Variants in RANBP2 observed in about 807,000 individuals in gnomAD.
The protein encoded by RANBP2 is E3 SUMO-protein ligase RanBP2.
Under a neutral mutation model 303.6 loss-of-function variants are expected in RANBP2, and 57 were observed. The observed-to-expected ratio is 0.19, with a 90% CI of 0.15 to 0.23. The LOEUF is 0.23. RANBP2 is among the 10% of genes least tolerant of loss of function. The pLI is 1.00. For synonymous variants in RANBP2, 1,167 were observed against 1,301.5 expected, an observed-to-expected ratio of 0.90 and a Z score of 2.23; for missense variants, 3,138 against 3,780.8, an observed-to-expected ratio of 0.83 and a Z score of 4.46.
the RANBP2 span, among the ~76,000 whole-genome samples, chr2:109,289,123 A>T: frequency 2.5e-3 from 383 of 152,300 alleles, 4 homozygotes; most frequent in Middle Eastern, 0.02. Flanking sequence ...CCAAGCTGTC[A>T]TATGAAAAGA....
the RANBP2 span, among the ~76,000 whole-genome samples, chr2:109,107,420 G>C: frequency 1.3e-5 from 2 of 152,162 alleles, 1 homozygote; most frequent in Admixed American, 1.3e-4. Context: ...ACCCCCTGGG[G>C]GGCTTCTGAA....
the RANBP2 span, among the ~76,000 whole-genome samples, chr2:109,554,930 C>A: frequency 6.6e-6 from 1 of 152,160 alleles, no homozygotes; most frequent in Non-Finnish European, 1.5e-5. Flanking sequence ...CTTACCCTAT[C>A]TCCCTATCTT....
chr2:109,135,501 G>A, the RANBP2 span, among the ~76,000 whole-genome samples: 1 of 152,232 alleles, frequency 6.6e-6, no homozygotes. Flanking sequence ...CCTGGCACAC[G>A]TGATTGGCTG....
At chr2:108,929,280 CTT>C in the RANBP2 span, 1 of 1,614,224 alleles carries the variant, frequency 6.2e-7, no homozygotes, top group South Asian at 1.1e-5. Flanking sequence ...CCCTCACAGT[CTT>C]TGTGACGCCT....
the RANBP2 span, among the ~76,000 whole-genome samples, chr2:108,920,791 C>T: frequency 5.2e-4 from 79 of 152,336 alleles, no homozygotes; most frequent in African/African-American, 1.6e-3. Flanking sequence ...CATTAATTAA[C>T]GCCCTGGGGC....
the RANBP2 span, among the ~76,000 whole-genome samples, chr2:109,374,976 G>T: frequency 6.6e-5 from 10 of 152,222 alleles, no homozygotes; most frequent in African/African-American, 2.4e-4. Flanking sequence ...GTGGCACAGT[G>T]AGCTGAAGGG....
chr2:108,760,575 A>G (rs1676657686), intron 18 of RANBP2, among the ~76,000 whole-genome samples: 2 of 152,188 alleles, frequency 1.3e-5, no homozygotes, highest in African/African-American at 4.8e-5. Context: ...GCACTTTGCT[A>G]ATGCTGACTT....
At chr2:109,065,773 G>A in the RANBP2 span, among the ~76,000 whole-genome samples, 3 of 152,222 alleles carry the variant, frequency 2.0e-5, no homozygotes, top group East Asian at 3.8e-4. Flanking sequence ...TATCAGTGGA[G>A]TGCTGGCCTC....
At chr2:108,738,402 G>A (rs1033070112) in intron 6 of RANBP2, among the ~76,000 whole-genome samples, 3 of 151,674 alleles carry the variant, frequency 2.0e-5, no homozygotes, top group Non-Finnish European at 2.9e-5. Flanking sequence ...CTCTTGATCC[G>A]TCTACCTTGG....
intron 18 of RANBP2, among the ~76,000 whole-genome samples, chr2:108,761,753 G>A (rs1676745563): frequency 6.6e-6 from 1 of 151,970 alleles, no homozygotes; most frequent in Non-Finnish European, 1.5e-5. Context: ...GGTTCCTTAC[G>A]TCCTTTCTGT....
At chr2:109,318,508 G>A in the RANBP2 span, among the ~76,000 whole-genome samples, 1 of 152,200 alleles carries the variant, frequency 6.6e-6, no homozygotes, top group Non-Finnish European at 1.5e-5. Flanking sequence ...CAATCATTTT[G>A]GCGACCGTGG....
rs577282168 is a variant in RANBP2, at chr2:108,780,675, G to A, written c.8600-594G>A. Among the ~76,000 whole-genome samples the A allele has an allele frequency of 1.4e-3, 208 of 150,592 alleles. 1 individual carries two copies. The highest frequency in any genetic ancestry group is 3.6e-3 in the African/African-American group (149 of 41,008). ...CTCTCAAGTAGCTGGGACCACAGGC[G>A]CATACCACCACTCCCGGCTTTTCTT... is the stretch of plus-strand genomic sequence containing the variant. On this transcript the variant is annotated intron_variant, in intron 25 of 28. Coordinates refer to ENST00000283195, the MANE Select transcript of RANBP2 (RefSeq NM_006267.5).
intron 18 of RANBP2, among the ~76,000 whole-genome samples, chr2:108,761,341 A>G (rs1261572499): frequency 1.3e-5 from 2 of 151,674 alleles, no homozygotes; most frequent in South Asian, 2.1e-4. Context: ...TCCAGAGGCA[A>G]TTGTTTGGAA....
chr2:109,762,415 G>A, the RANBP2 span, among the ~76,000 whole-genome samples: 1 of 150,200 alleles, frequency 6.7e-6, no homozygotes, highest in Admixed American at 6.8e-5. Flanking sequence ...TTAAAAGGCA[G>A]TTTTTCAGTC....
At chr2:109,272,927 A>C in the RANBP2 span, among the ~76,000 whole-genome samples, 1 of 152,162 alleles carries the variant, frequency 6.6e-6, no homozygotes, top group African/African-American at 2.4e-5. Context: ...TAGCAGCCTT[A>C]ATCATGAAAG....
chr2:109,247,830 A>G, the RANBP2 span, among the ~76,000 whole-genome samples: 1 of 152,188 alleles, frequency 6.6e-6, no homozygotes, highest in Admixed American at 6.5e-5. Flanking sequence ...GGCAGCAAGG[A>G]TGGCCTGGGT....
At chr2:109,275,795 A>G in the RANBP2 span, among the ~76,000 whole-genome samples, 2 of 152,220 alleles carry the variant, frequency 1.3e-5, no homozygotes, top group African/African-American at 2.4e-5. Flanking sequence ...AGCGAGGCAC[A>G]GTGAGAGGGA....
At chr2:109,523,051 C>T in the RANBP2 span, among the ~76,000 whole-genome samples, 1 of 152,146 alleles carries the variant, frequency 6.6e-6, no homozygotes, top group Non-Finnish European at 1.5e-5. Flanking sequence ...GTCTACCCCT[C>T]GGAGTCTTTG....
chr2:109,621,436 G>A, the RANBP2 span, among the ~76,000 whole-genome samples: 4 of 152,082 alleles, frequency 2.6e-5, no homozygotes, highest in African/African-American at 9.7e-5. Context: ...ACATGTGTGA[G>A]CCACTTTTTT....
Sources: gnomAD v4.1 joint callset for allele counts (sites outside exome capture counted in the v4.1 genomes callset) on GRCh38, gnomAD v4.1.1 for gene constraint, MANE v1.5 for transcripts, NCBI Gene and HGNC (gene_info 2026-07-23, HGNC 2026-07-21) for gene names.